The following EPAS1 variants were observed in gnomAD, a reference collection of about 807,000 sequenced individuals.
EPAS1 encodes endothelial PAS domain protein 1.
EPAS1 carries 23 observed loss-of-function variants against 87.9 expected under a neutral mutation model. The observed-to-expected ratio is 0.26, with a 90% CI of 0.19 to 0.37. The LOEUF is 0.37. Among genes scored for constraint, EPAS1 ranks in the 10% least tolerant of loss-of-function variants. The probability of loss-of-function intolerance (pLI) is 1.00; values close to 1 mark genes in which losing one functional copy is unlikely to be tolerated. For synonymous variants in EPAS1, 508 were observed against 444.3 expected (o/e 1.14, Z -1.80); for missense variants, 1,138 against 1,120.7 (o/e 1.02, Z -0.22).
intron 1 of EPAS1, among the ~76,000 whole-genome samples, chr2:46,337,119 T>A (rs1029304749): frequency 6.6e-6 from 1 of 152,246 alleles, no homozygotes; most frequent in Non-Finnish European, 1.5e-5. Flanking sequence ...TTTTATCCGA[T>A]GTCTCCAGTT....
intron 2 of EPAS1, among the ~76,000 whole-genome samples, chr2:46,349,965 AC>A (rs1382049081): frequency 2.0e-5 from 3 of 152,224 alleles, no homozygotes; most frequent in Non-Finnish European, 4.4e-5. Flanking sequence ...CCTCATCTGC[AC>A]AAAGGGAATA....
intron 1 of EPAS1, among the ~76,000 whole-genome samples, chr2:46,315,798 C>A (rs1425870465): frequency 6.6e-5 from 10 of 152,228 alleles, no homozygotes; most frequent in Non-Finnish European, 1.5e-5. Flanking sequence ...GCAAGAGGGG[C>A]AGAGCCCCCT....
At chr2:46,353,060 C>A (rs769506301) in intron 2 of EPAS1, among the ~76,000 whole-genome samples, 1 of 152,218 alleles carries the variant, frequency 6.6e-6, no homozygotes, top group Non-Finnish European at 1.5e-5. Flanking sequence ...AGCGTTACCA[C>A]TGAGATCAAA....
rs530300840 is a variant in EPAS1, at chr2:46,341,850, A to C, written c.27-5023A>C. On this transcript the variant is annotated intron_variant, in intron 1 of 15. Coordinates refer to ENST00000263734, the MANE Select transcript of EPAS1 (RefSeq NM_001430.5). ...GCATCATTTAAGTGAGGATCAAATG[A>C]GACCATTTATTAAATGCATCTGGCC... Among the ~76,000 whole-genome samples, 27 of 152,340 alleles carry C rather than the reference A, an allele frequency of 1.8e-4. No individual in the cohort carries two copies. In the East Asian group the frequency reaches 5.0e-3, roughly 28 times the overall value.
At chr2:46,349,631 C>T (rs1049536392) in intron 2 of EPAS1, among the ~76,000 whole-genome samples, 4 of 152,226 alleles carry the variant, frequency 2.6e-5, no homozygotes, top group African/African-American at 9.6e-5. Context: ...CTACTTTTGG[C>T]CATGTGGTCC....
At chr2:46,381,561 G>T in intron 12 of EPAS1, 35 bp from the exon 13 acceptor site, 1 of 1,613,790 alleles carries the variant, frequency 6.2e-7, no homozygotes, top group South Asian at 1.1e-5. Flanking sequence ...TGTGGCTCCA[G>T]ACTCCCTCAT....
At chr2:46,318,817 G>A (rs1355515909) in intron 1 of EPAS1, among the ~76,000 whole-genome samples, 2 of 152,138 alleles carry the variant, frequency 1.3e-5, no homozygotes, top group African/African-American at 4.8e-5. Context: ...AATGAGGTAT[G>A]CCTGCATTAT....
At chr2:46,366,946 C>T (rs902145868) in intron 6 of EPAS1, among the ~76,000 whole-genome samples, 1 of 152,258 alleles carries the variant, frequency 6.6e-6, no homozygotes, top group Non-Finnish European at 1.5e-5. Context: ...TTGGGGTTTC[C>T]TGGCTTTGTG....
At chr2:46,307,989 C>T (rs1459227669) in intron 1 of EPAS1, among the ~76,000 whole-genome samples, 1 of 152,168 alleles carries the variant, frequency 6.6e-6, no homozygotes, top group African/African-American at 2.4e-5. Context: ...CCAAGGGCAG[C>T]CACCATGGCA....
chr2:46,365,674 G>C (rs1684486244), intron 6 of EPAS1, among the ~76,000 whole-genome samples: 1 of 152,204 alleles, frequency 6.6e-6, no homozygotes, highest in Non-Finnish European at 1.5e-5. Flanking sequence ...TAACCATGTA[G>C]TATTTGAGGA....
intron 2 of EPAS1, among the ~76,000 whole-genome samples, 190 bp from the exon 3 acceptor site, chr2:46,355,961 G>A (rs918437516): frequency 1.7e-4 from 26 of 152,216 alleles, no homozygotes; most frequent in African/African-American, 5.8e-4. Context: ...CACAGCTCCC[G>A]TCAGGGTGTC....
chr2:46,378,056 G>T lies in EPAS1; in HGVS notation c.1412G>T (p.Ser471Ile), dbSNP rs771182885. ...QAAAPGSTTP[S>I]ATSSSSSCST... ...GCTGCCCCGGGCAGCACCACCCCCA[G>T]TGCCACCAGCAGCAGCAGCAGCTGC... The change falls in exon 10 of 16, where the codon AGT (serine) becomes ATT (isoleucine). Residue 471 changes from serine to isoleucine, a missense_variant. Coordinates refer to ENST00000263734, the MANE Select transcript of EPAS1 (RefSeq NM_001430.5). 2.5e-6 allele frequency: 4 copies of T among 1,607,184 alleles called. No individual in the cohort carries two copies. The highest frequency in any genetic ancestry group is 3.4e-6 in the Non-Finnish European group (4 of 1,177,934).
At chr2:46,307,313 C>G (rs1683125199) in intron 1 of EPAS1, among the ~76,000 whole-genome samples, 1 of 152,168 alleles carries the variant, frequency 6.6e-6, no homozygotes, top group African/African-American at 2.4e-5. Context: ...TTGCTGGACA[C>G]ACCACATTTC....
chr2:46,316,026 CAGAGATA>C (rs1206687234), intron 1 of EPAS1, among the ~76,000 whole-genome samples: 1 of 152,140 alleles, frequency 6.6e-6, no homozygotes, highest in Non-Finnish European at 1.5e-5. Flanking sequence ...TTCCATCACC[CAGAGATA>C]ACCACTGTTA....
intron 6 of EPAS1, among the ~76,000 whole-genome samples, chr2:46,368,419 C>G (rs1373109632): frequency 7.9e-5 from 12 of 152,128 alleles, no homozygotes; most frequent in Non-Finnish European, 8.8e-5. Flanking sequence ...AGTTGAAAAT[C>G]AAATTGCTCA....
Position 46,346,246 on chromosome 2 carries a change from C to G in EPAS1, c.27-627C>G, listed in dbSNP as rs1335853244. Among the ~76,000 whole-genome samples the G allele has an allele frequency of 6.6e-6, 1 of 152,152 alleles. No homozygotes were observed. Among genetic ancestry groups the G allele is most frequent in the Non-Finnish European group, 1.5e-5 (1 of 68,026 alleles). ...GGGCTTAGAGAGAAAATGTTTGTGC[C>G]CACTCCTTTTTAATCCTTGACAGAA... On this transcript the variant is annotated intron_variant, in intron 1 of 15. Transcript: ENST00000263734. The surrounding 1 kb of genome is among the most constrained non-coding windows in gnomAD (Gnocchi z 4.0).
chr2:46,363,181 C>T (rs1004059772), intron 6 of EPAS1, among the ~76,000 whole-genome samples: 1 of 152,166 alleles, frequency 6.6e-6, no homozygotes, highest in Non-Finnish European at 1.5e-5. Flanking sequence ...TGTGAGATAA[C>T]ATGGACAATC....
chr2:46,325,052 TGAGCTGACCTTTCCAGATG>T (rs577467553), intron 1 of EPAS1, among the ~76,000 whole-genome samples: 1 of 152,344 alleles, frequency 6.6e-6, no homozygotes, highest in South Asian at 2.1e-4. Flanking sequence ...ATCTTTAGGG[TGAGCTGACCTTTCCAGATG>T]GAGCAGGGAA....
At chr2:46,338,836 G>A (rs1683850405) in intron 1 of EPAS1, among the ~76,000 whole-genome samples, 1 of 150,636 alleles carries the variant, frequency 6.6e-6, no homozygotes, top group South Asian at 2.1e-4. Flanking sequence ...GCCCTCTGAA[G>A]CACCGTGACC....
Sources: allele counts gnomAD v4.1 joint callset (sites outside exome capture counted in the v4.1 genomes callset), GRCh38; gene constraint gnomAD v4.1.1; non-coding constraint Gnocchi (gnomAD v3.1); transcripts MANE v1.5; gene names NCBI Gene and HGNC (gene_info 2026-07-23, HGNC 2026-07-21).